Variants in ARHGAP22 observed in about 807,000 individuals in gnomAD.
ARHGAP22 encodes the protein Rho GTPase activating protein 22, also known as rho GTPase-activating protein 22.
ARHGAP22 carries 48 observed loss-of-function variants against 59.1 expected under a neutral mutation model. The ratio of observed to expected loss-of-function variants is 0.81; its 90% CI spans 0.64 to 1.03. The LOEUF (loss-of-function observed/expected upper bound fraction) is 1.03, where lower values mean the gene tolerates loss of function less well. ARHGAP22 is among the 50% of genes least tolerant of loss of function. The pLI is 0.00. For missense variants in ARHGAP22, 1,015 were observed against 958.7 expected (o/e 1.06, Z -0.78); for synonymous variants, 445 against 416.4 (o/e 1.07, Z -0.84).
chr10:48,503,627 C>G (rs7902192), intron 3 of ARHGAP22, among the ~76,000 whole-genome samples: 60 of 152,370 alleles, frequency 3.9e-4, no homozygotes, highest in African/African-American at 1.3e-3. Context: ...TCCCTACCAT[C>G]CCATGGTGCC....
intron 6 of ARHGAP22, 52 bp from the exon 7 acceptor site, chr10:48,454,213 TTC>T: frequency 1.3e-6 from 2 of 1,524,140 alleles, no homozygotes; most frequent in Non-Finnish European, 1.8e-6. Flanking sequence ...GCCCTGACTG[TTC>T]TCTGACTGCG....
intron 2 of ARHGAP22, among the ~76,000 whole-genome samples, chr10:48,564,782 C>T (rs1233065827): frequency 6.6e-6 from 1 of 152,236 alleles, no homozygotes; most frequent in East Asian, 1.9e-4. Flanking sequence ...ACAGTCCCCT[C>T]AAGCTTCCTC....
intron 3 of ARHGAP22, among the ~76,000 whole-genome samples, chr10:48,540,317 A>G (rs1175719489): frequency 6.6e-6 from 1 of 152,020 alleles, no homozygotes; most frequent in Admixed American, 6.6e-5. Flanking sequence ...GCTCATCACA[A>G]CCTCCACCTC....
intron 3 of ARHGAP22, among the ~76,000 whole-genome samples, chr10:48,534,472 C>T (rs2055166393): frequency 6.6e-6 from 1 of 152,202 alleles, no homozygotes; most frequent in Admixed American, 6.5e-5. Context: ...GCCATATGGA[C>T]AAACACAGCA....
At chr10:48,523,960 G>A in intron 3 of ARHGAP22, 1 of 1,214,386 alleles carries the variant, frequency 8.2e-7, no homozygotes, top group Non-Finnish European at 1.1e-6. Context: ...GGTGCGGGCG[G>A]CCCTGGACAC....
chr10:48,530,233 T>C (rs975917519), intron 3 of ARHGAP22, among the ~76,000 whole-genome samples: 1 of 69,028 alleles, frequency 1.4e-5, no homozygotes, highest in African/African-American at 7.8e-5. Flanking sequence ...TGAGACTCCA[T>C]TGCAAAAAAA....
At chr10:48,580,829 T>C (rs1400030419) in intron 2 of ARHGAP22, among the ~76,000 whole-genome samples, 1 of 151,372 alleles carries the variant, frequency 6.6e-6, no homozygotes, top group Non-Finnish European at 1.5e-5. Flanking sequence ...TCCAGTGTGC[T>C]AGGATTTGTA....
upstream of ARHGAP22, among the ~76,000 whole-genome samples, chr10:48,609,892 T>C (rs1158759125): frequency 5.3e-5 from 8 of 152,200 alleles, no homozygotes; most frequent in African/African-American, 1.9e-4. Context: ...AAAAAATTCT[T>C]CCTAGATTTT....
At chr10:48,557,451 A>C (rs933138481) in intron 2 of ARHGAP22, among the ~76,000 whole-genome samples, 1 of 152,064 alleles carries the variant, frequency 6.6e-6, no homozygotes, top group Admixed American at 6.6e-5. Context: ...TCTTTGCCTA[A>C]ATTACTGGAT....
chr10:48,550,554 G>A (rs918853904), intron 3 of ARHGAP22, among the ~76,000 whole-genome samples: 1 of 152,210 alleles, frequency 6.6e-6, no homozygotes, highest in Non-Finnish European at 1.5e-5. Flanking sequence ...CATCTCCCAG[G>A]CATGATGGCC....
the ARHGAP22 span, chr10:48,435,153 T>C: frequency 1.3e-5 from 9 of 703,682 alleles, no homozygotes; most frequent in Non-Finnish European, 2.0e-5. Context: ...ATTCATTTTG[T>C]AGTAAAGTAG....
intron 3 of ARHGAP22, among the ~76,000 whole-genome samples, chr10:48,543,847 C>T (rs546652250): frequency 6.6e-6 from 1 of 152,040 alleles, no homozygotes; most frequent in Non-Finnish European, 1.5e-5. Flanking sequence ...AGAGGCTGGG[C>T]GTGGTGGCTC....
chr10:48,588,752 G>A (rs2059579066), intron 1 of ARHGAP22, among the ~76,000 whole-genome samples: 1 of 152,218 alleles, frequency 6.6e-6, no homozygotes, highest in Admixed American at 6.5e-5. Flanking sequence ...GTTCCCTGTG[G>A]GGTCCCGCAG....
chr10:48,451,436 C>T (rs749490146), intron 8 of ARHGAP22: 1 of 703,094 alleles, frequency 1.4e-6, no homozygotes, highest in South Asian at 1.5e-5. Context: ...GAAGCAGGCA[C>T]CAAGGCTGCA....
chr10:48,545,550 C>T (rs532386344), intron 3 of ARHGAP22, among the ~76,000 whole-genome samples: 2 of 152,350 alleles, frequency 1.3e-5, no homozygotes, highest in South Asian at 4.1e-4. Context: ...GGCCAAGACT[C>T]AGGCTGGCTG....
chr10:48,466,862 G>A (rs1589549823), intron 4 of ARHGAP22, among the ~76,000 whole-genome samples: 1 of 152,160 alleles, frequency 6.6e-6, no homozygotes, highest in East Asian at 1.9e-4. Flanking sequence ...GGGATCTCCG[G>A]TGTCAAACTT....
At chr10:48,583,192 G>C in intron 1 of ARHGAP22, 40 bp from the exon 2 acceptor site, 1 of 1,591,278 alleles carries the variant, frequency 6.3e-7, no homozygotes, top group Non-Finnish European at 8.6e-7. Flanking sequence ...TGAAGGCAGC[G>C]TGCCTGCTAT....
At chr10:48,447,650 C>T (rs1303485100) in intron 9 of ARHGAP22, among the ~76,000 whole-genome samples, 1 of 152,094 alleles carries the variant, frequency 6.6e-6, no homozygotes, top group Non-Finnish European at 1.5e-5. Flanking sequence ...GGGCCTGGAC[C>T]TCCCCTCTTC....
chr10:48,449,297 T>G (rs963785097), intron 9 of ARHGAP22, among the ~76,000 whole-genome samples: 1 of 152,230 alleles, frequency 6.6e-6, no homozygotes, highest in African/African-American at 2.4e-5. Context: ...CACTGCCTGC[T>G]GTGACTTCCC....
Sources: allele counts gnomAD v4.1 joint callset (sites outside exome capture counted in the v4.1 genomes callset), GRCh38; gene constraint gnomAD v4.1.1; transcripts MANE v1.5; gene names NCBI Gene and HGNC (gene_info 2026-07-23, HGNC 2026-07-21).